Variants in SUGCT observed in about 807,000 individuals in gnomAD.
SUGCT encodes the protein succinyl-CoA:glutarate CoA-transferase.
SUGCT carries 41 observed loss-of-function variants against 55.0 expected under a neutral mutation model. The ratio of observed to expected loss-of-function variants is 0.74; its 90% CI spans 0.58 to 0.97. The LOEUF is 0.97. Among genes scored for constraint, SUGCT ranks in the 50% least tolerant of loss-of-function variants. The pLI is 0.00. For missense variants in SUGCT, 568 were observed against 547.8 expected, an observed-to-expected ratio of 1.04 and a Z score of -0.37; for synonymous variants, 187 against 200.4, an observed-to-expected ratio of 0.93 and a Z score of 0.56.
chr7:40,579,576 C>G (rs1213459529), intron 12 of SUGCT, among the ~76,000 whole-genome samples: 1 of 152,160 alleles, frequency 6.6e-6, no homozygotes, highest in Non-Finnish European at 1.5e-5. Context: ...ACAGAGAAAA[C>G]ATGTAAACAA....
intron 12 of SUGCT, among the ~76,000 whole-genome samples, chr7:40,626,200 C>T (rs1487359840): frequency 6.6e-6 from 1 of 152,060 alleles, no homozygotes; most frequent in East Asian, 1.9e-4. Context: ...GAAGCTTCCC[C>T]CAGACTCTGT....
At chr7:40,821,534 T>A (rs191986114) in intron 13 of SUGCT, among the ~76,000 whole-genome samples, 1 of 152,352 alleles carries the variant, frequency 6.6e-6, no homozygotes, top group African/African-American at 2.4e-5. Flanking sequence ...TCTTCTAGAT[T>A]TTCTAGTTTA....
At chr7:40,767,013 A>G (rs935219367) in intron 13 of SUGCT, among the ~76,000 whole-genome samples, 5 of 152,216 alleles carry the variant, frequency 3.3e-5, no homozygotes, top group Non-Finnish European at 7.3e-5. Context: ...CATAACAGCA[A>G]TATCTCCACA....
At chr7:40,603,910 C>T (rs1798408539) in intron 12 of SUGCT, among the ~76,000 whole-genome samples, 1 of 152,172 alleles carries the variant, frequency 6.6e-6, no homozygotes, top group Non-Finnish European at 1.5e-5. Context: ...TCAGTGGCTT[C>T]TCGTGAGTTT....
chr7:40,981,583 A>G, the SUGCT span, among the ~76,000 whole-genome samples: 1 of 152,198 alleles, frequency 6.6e-6, no homozygotes, highest in Admixed American at 6.5e-5. Context: ...TGCTTAACAA[A>G]TTCCTTCTTC....
intron 9 of SUGCT, among the ~76,000 whole-genome samples, chr7:40,382,842 A>T (rs1053788645): frequency 6.6e-6 from 1 of 152,192 alleles, no homozygotes; most frequent in African/African-American, 2.4e-5. Context: ...CATATCCATT[A>T]TCTTTGGAAA....
intron 13 of SUGCT, among the ~76,000 whole-genome samples, chr7:40,779,217 T>C (rs999379818): frequency 2.0e-5 from 3 of 152,208 alleles, no homozygotes; most frequent in African/African-American, 7.2e-5. Flanking sequence ...AAGGAGCTGC[T>C]TATTAATGAT....
chr7:40,554,302 T>C (rs905871483), intron 12 of SUGCT, among the ~76,000 whole-genome samples: 7 of 152,240 alleles, frequency 4.6e-5, no homozygotes, highest in African/African-American at 7.2e-5. Flanking sequence ...TCCCTAAATG[T>C]AACAACAGAT....
At chr7:40,418,449 C>T (rs1787127919) in intron 9 of SUGCT, among the ~76,000 whole-genome samples, 2 of 152,204 alleles carry the variant, frequency 1.3e-5, no homozygotes, top group Non-Finnish European at 2.9e-5. Flanking sequence ...ACCCTCACTG[C>T]ACATTTTTAT....
Position 40,253,599 on chromosome 7 carries a change from G to T in SUGCT, c.576+15873G>T, listed in dbSNP as rs542993382. Reference sequence around the variant, plus strand: ...TTTTTTTGAGGCGGAGCCTCGCTCTGTTGCCCAGGCTGGAGTGCAGTGGCT... The same window carrying T: ...TTTTTTTGAGGCGGAGCCTCGCTCTTTTGCCCAGGCTGGAGTGCAGTGGCT... On this transcript the variant is annotated intron_variant, in intron 7 of 13. Coordinates refer to ENST00000335693, the MANE Select transcript of SUGCT (RefSeq NM_001193313.2). Among the ~76,000 whole-genome samples the T allele has an allele frequency of 1.3e-4, 20 of 151,618 alleles. 1 individual carries two copies. The highest frequency in any genetic ancestry group is 4.6e-4 in the African/African-American group (19 of 41,336).
intron 7 of SUGCT, among the ~76,000 whole-genome samples, chr7:40,268,235 C>T (rs1430133734): frequency 6.6e-6 from 1 of 152,110 alleles, no homozygotes; most frequent in Non-Finnish European, 1.5e-5. Flanking sequence ...AAAGAAACCT[C>T]TTACCTATTT....
At chr7:40,635,416 A>C (rs933693280) in intron 12 of SUGCT, among the ~76,000 whole-genome samples, 6 of 152,250 alleles carry the variant, frequency 3.9e-5, no homozygotes, top group African/African-American at 1.4e-4. Flanking sequence ...GAACTGAGAC[A>C]TGAAATACAG....
At chr7:40,147,172 G>T (rs980408280) in intron 1 of SUGCT, among the ~76,000 whole-genome samples, 5 of 151,998 alleles carry the variant, frequency 3.3e-5, no homozygotes, top group Admixed American at 6.6e-5. Context: ...TTCCGCTAGG[G>T]GAGGGACCAG....
intron 12 of SUGCT, among the ~76,000 whole-genome samples, chr7:40,611,878 A>G (rs1320199286): frequency 6.6e-6 from 1 of 152,212 alleles, no homozygotes; most frequent in African/African-American, 2.4e-5. Flanking sequence ...AACAGCTGAT[A>G]TGATCTGTGC....
At chr7:40,148,649 C>G (rs1264748566) in intron 1 of SUGCT, among the ~76,000 whole-genome samples, 1 of 151,844 alleles carries the variant, frequency 6.6e-6, no homozygotes, top group Non-Finnish European at 1.5e-5. Context: ...CATCTCAAAA[C>G]AAAACAAAAA....
At chr7:40,242,703 A>G (rs906287189) in intron 7 of SUGCT, among the ~76,000 whole-genome samples, 1 of 151,024 alleles carries the variant, frequency 6.6e-6, no homozygotes, top group Admixed American at 6.6e-5. Flanking sequence ...AGAGTGGGAG[A>G]GCACTCAAAG....
chr7:40,784,924 GTAA>G lies in SUGCT; in HGVS notation c.1153+35430_1153+35432del, dbSNP rs532408135. On this transcript the variant is annotated intron_variant, in intron 13 of 13. Coordinates refer to ENST00000335693, the MANE Select transcript of SUGCT (RefSeq NM_001193313.2). ...ATCTATAGGAGCCCATAAATGCAAGGTAATATTGCATGTGATTGATGGACAGCA... is the reference window on the plus strand; with the variant it reads ...ATCTATAGGAGCCCATAAATGCAAGGTATTGCATGTGATTGATGGACAGCA... Among the ~76,000 whole-genome samples, 321 of 152,114 alleles carry G rather than the reference GTAA, an allele frequency of 2.1e-3. 1 individual carries two copies. Among genetic ancestry groups the G allele is most frequent in the African/African-American group, 7.4e-3 (307 of 41,484 alleles).
the SUGCT span, among the ~76,000 whole-genome samples, chr7:41,038,092 G>C: frequency 6.6e-5 from 10 of 152,100 alleles, no homozygotes; most frequent in Non-Finnish European, 1.0e-4. Flanking sequence ...AATGGAGGGG[G>C]ACAAAGGAAG....
At chr7:40,829,157 C>T (rs2128775583) in intron 13 of SUGCT, among the ~76,000 whole-genome samples, 1 of 152,284 alleles carries the variant, frequency 6.6e-6, no homozygotes, top group South Asian at 2.1e-4. Flanking sequence ...TATATGGTTC[C>T]AGGAACTCCC....
Sources: allele counts gnomAD v4.1 joint callset (sites outside exome capture counted in the v4.1 genomes callset), GRCh38; gene constraint gnomAD v4.1.1; transcripts MANE v1.5; gene names NCBI Gene and HGNC (gene_info 2026-07-23, HGNC 2026-07-21).